GUCA1C: variants seen among roughly 807,000 people sequenced by gnomAD.
The protein encoded by GUCA1C is guanylate cyclase activator 1C.
A neutral mutation model predicts 16.2 loss-of-function variants in GUCA1C; 15 were observed. The observed-to-expected ratio is 0.93, with a 90% confidence interval of 0.62 to 1.43. The LOEUF is 1.43. Among genes scored for constraint, GUCA1C ranks in the 40% most tolerant of loss-of-function variants. The pLI, the probability that GUCA1C is intolerant of heterozygous loss-of-function variation, is 0.00. For synonymous variants in GUCA1C, 78 were observed against 85.4 expected, an observed-to-expected ratio of 0.91 and a Z score of 0.48; for missense variants, 275 against 244.8, an observed-to-expected ratio of 1.12 and a Z score of -0.82.
At chr3:108,934,177 G>A (rs1386081299) in intron 1 of GUCA1C, among the ~76,000 whole-genome samples, 1 of 152,030 alleles carries the variant, frequency 6.6e-6, no homozygotes, top group Admixed American at 6.6e-5. Context: ...GGGCCTGCTG[G>A]GGGGTGGGTG....
Position 108,908,221 on chromosome 3 carries a change from T to C in GUCA1C, c.443-12A>G, listed in dbSNP as rs1315986359. ...TAAAGTCAATTCCCCTGGAAAATAA[T>C]AAACAGTTAATAAGAGGCTTTGTCT... On this transcript the variant is annotated splice_polypyrimidine_tract_variant and intron_variant, in intron 3 of 3. Coordinates refer to ENST00000261047, the MANE Select transcript of GUCA1C (RefSeq NM_005459.4). The C allele has an allele frequency of 3.2e-6, 5 of 1,583,248 alleles. No homozygotes were observed. The highest frequency in any genetic ancestry group is 4.3e-6 in the Non-Finnish European group (5 of 1,152,636).
At chr3:108,918,161 T>A (rs542033318) in intron 2 of GUCA1C, among the ~76,000 whole-genome samples, 2 of 152,216 alleles carry the variant, frequency 1.3e-5, no homozygotes, top group Non-Finnish European at 2.9e-5. Flanking sequence ...CCCTGGTCTC[T>A]GAGCAATAGA....
intron 3 of GUCA1C, 140 bp downstream of exon 3, chr3:108,915,987 T>C (rs1370975458): frequency 7.1e-6 from 6 of 846,400 alleles, no homozygotes; most frequent in East Asian, 5.2e-5. Flanking sequence ...ACTGAGAACA[T>C]TGGATTGGTC....
intron 1 of GUCA1C, among the ~76,000 whole-genome samples, chr3:108,923,955 G>A (rs938041611): frequency 6.6e-5 from 10 of 152,062 alleles, no homozygotes; most frequent in African/African-American, 1.7e-4. Context: ...CAGCTTGATC[G>A]CTGTTGGTGT....
chr3:108,924,851 A>G (rs993781629), intron 1 of GUCA1C, among the ~76,000 whole-genome samples: 3 of 152,104 alleles, frequency 2.0e-5, no homozygotes, highest in Non-Finnish European at 4.4e-5. Context: ...TCCTGATTTA[A>G]TCTAGGAGGT....
rs565036291 is a variant in GUCA1C at position 108,934,339 on chromosome 3, T to C, written c.205-13754A>G. ...TGCACATGTATACCAGGACTTAAAA[T>C]ATAATTTTTAAAAAGTCAAAAAACA... is the stretch of plus-strand genomic sequence containing the variant. On this transcript the variant is annotated intron_variant, in intron 1 of 3. Coordinates refer to ENST00000261047, the MANE Select transcript of GUCA1C (RefSeq NM_005459.4). Among the ~76,000 whole-genome samples, 269 of 152,266 alleles carry C rather than the reference T, an allele frequency of 1.8e-3. 5 individuals are homozygous for C. Among genetic ancestry groups the C allele is most frequent in the African/African-American group, 6.2e-3 (259 of 41,556 alleles).
At chr3:108,946,416 G>A (rs73200617) in intron 1 of GUCA1C, among the ~76,000 whole-genome samples, 12,597 of 152,144 alleles carry the variant, frequency 0.083, 679 homozygotes, top group Non-Finnish European at 0.13. Flanking sequence ...GATTACAGGC[G>A]TGAGCCACCA....
At chr3:108,952,397 A>T (rs538072635) in intron 1 of GUCA1C, among the ~76,000 whole-genome samples, 5 of 152,320 alleles carry the variant, frequency 3.3e-5, no homozygotes, top group African/African-American at 1.2e-4. Context: ...ATTGATGAGG[A>T]GGAAAGCACT....
intron 1 of GUCA1C, among the ~76,000 whole-genome samples, chr3:108,939,619 G>T (rs563785972): frequency 6.7e-6 from 1 of 148,664 alleles, no homozygotes; most frequent in African/African-American, 2.5e-5. Flanking sequence ...GAGCCACCGC[G>T]CCCGGCCAAG....
intron 1 of GUCA1C, among the ~76,000 whole-genome samples, chr3:108,942,086 T>C (rs767290961): frequency 2.0e-5 from 3 of 152,232 alleles, no homozygotes; most frequent in Non-Finnish European, 2.9e-5. Context: ...AGCATTCTAA[T>C]CCTGATGTGT....
At chr3:108,936,126 G>A (rs943893792) in intron 1 of GUCA1C, among the ~76,000 whole-genome samples, 16 of 151,998 alleles carry the variant, frequency 1.1e-4, no homozygotes, top group Non-Finnish European at 5.9e-5. Context: ...TAAACCAGGT[G>A]TTGTGGTGTG....
rs568598065 is a variant in GUCA1C, at chr3:108,926,258, T to C, written c.205-5673A>G. On this transcript the variant is annotated intron_variant, in intron 1 of 3. Coordinates refer to ENST00000261047, the MANE Select transcript of GUCA1C (RefSeq NM_005459.4). Reference sequence around the variant, plus strand: ...AAGAACAGCTACTCCTGCTCGCTTTTGGTGTTCATTTGCTTGGAATGTCTT... The same window carrying C: ...AAGAACAGCTACTCCTGCTCGCTTTCGGTGTTCATTTGCTTGGAATGTCTT... Among the ~76,000 whole-genome samples, 3 of 152,372 alleles carry C rather than the reference T, an allele frequency of 2.0e-5. No individual in the cohort carries two copies. The South Asian group carries it at 6.2e-4, about 32-fold the overall frequency.
chr3:108,914,476 T>A (rs1946486899), intron 3 of GUCA1C, among the ~76,000 whole-genome samples: 1 of 152,232 alleles, frequency 6.6e-6, no homozygotes, highest in Admixed American at 6.5e-5. Context: ...TTCGTACTTC[T>A]CCGAGGAAGG....
intron 1 of GUCA1C, among the ~76,000 whole-genome samples, chr3:108,953,112 T>C (rs985162018): frequency 6.6e-6 from 1 of 152,194 alleles, no homozygotes; most frequent in Non-Finnish European, 1.5e-5. Flanking sequence ...ACAGACAACA[T>C]GTTGGCTAAT....
At chr3:108,911,146 CA>C (rs1282518589) in intron 3 of GUCA1C, among the ~76,000 whole-genome samples, 2 of 152,142 alleles carry the variant, frequency 1.3e-5, no homozygotes, top group Non-Finnish European at 2.9e-5. Flanking sequence ...TCAGGAGTTT[CA>C]TTAGTAATAG....
chr3:108,927,764 G>T (rs1946635310), intron 1 of GUCA1C, among the ~76,000 whole-genome samples: 1 of 152,064 alleles, frequency 6.6e-6, no homozygotes, highest in South Asian at 2.1e-4. Flanking sequence ...ATCCATTGCT[G>T]GTGAGCTGGT....
chr3:108,913,118 C>T (rs951918191), intron 3 of GUCA1C, among the ~76,000 whole-genome samples: 16 of 151,986 alleles, frequency 1.1e-4, no homozygotes, highest in African/African-American at 3.9e-4. Context: ...CATATGCATA[C>T]CTAAAGTCTT....
In GUCA1C at chr3:108,952,999, A is replaced by C. The variant is rs540735028; in HGVS notation, c.204+560T>G. ...TGAGTAACAATCTTTAGAAACAAAA[A>C]TTTGTCTGAATTTAAAACTGTTAAG... On this transcript the variant is annotated intron_variant, in intron 1 of 3. Transcript: ENST00000261047. Among the ~76,000 whole-genome samples, 10 of 152,324 alleles carry C rather than the reference A, an allele frequency of 6.6e-5. No homozygotes were observed. In the South Asian group the frequency reaches 1.9e-3, roughly 28 times the overall value.
rs1559844018 is a variant in GUCA1C at position 108,928,009 on chromosome 3, G to T, written c.205-7424C>A. The stretch of plus-strand genomic sequence containing the variant: ...CTTCTGGGTCTAGTCACCTAGCGGA[G>T]CTACTGTGCTCCAGGCTGGTACTGG... On this transcript the variant is annotated intron_variant, in intron 1 of 3. Coordinates refer to ENST00000261047, the MANE Select transcript of GUCA1C (RefSeq NM_005459.4). 3.3e-5 allele frequency among the ~76,000 whole-genome samples: 5 copies of T among 152,352 alleles called. No homozygotes were observed. The South Asian group carries it at 1.0e-3, about 32-fold the overall frequency.
Sources: allele counts gnomAD v4.1 joint callset (sites outside exome capture counted in the v4.1 genomes callset), GRCh38; gene constraint gnomAD v4.1.1; transcripts MANE v1.5; gene names NCBI Gene and HGNC (gene_info 2026-07-23, HGNC 2026-07-21).